The following ATXN10 variants were observed in gnomAD, a reference collection of about 807,000 sequenced individuals.
ATXN10 encodes ataxin-10.
In ATXN10, 28 loss-of-function variants were observed where a neutral mutation model predicts 52.9. The ratio of observed to expected loss-of-function variants is 0.53; its 90% CI spans 0.39 to 0.73. The LOEUF (loss-of-function observed/expected upper bound fraction) is 0.73. Ranked by LOEUF, ATXN10 falls within the 30% of genes least tolerant of loss-of-function variation. The pLI is 0.00. For synonymous variants in ATXN10, 226 were observed against 221.5 expected (o/e 1.02, Z -0.18); for missense variants, 565 against 577.0 (o/e 0.98, Z 0.21).
chr22:45,810,229 A>G (rs1275843483), intron 10 of ATXN10, among the ~76,000 whole-genome samples: 3 of 152,172 alleles, frequency 2.0e-5, no homozygotes, highest in African/African-American at 7.2e-5. Flanking sequence ...ACAAGTTTTG[A>G]GTCTGTTTGT....
intron 9 of ATXN10, among the ~76,000 whole-genome samples, chr22:45,785,579 T>C (rs1291233714): frequency 6.6e-6 from 1 of 152,274 alleles, no homozygotes; most frequent in African/African-American, 2.4e-5. Context: ...TACCGTTTAC[T>C]AGAATGACAC....
intron 5 of ATXN10, among the ~76,000 whole-genome samples, chr22:45,713,865 A>G (rs1924345396): frequency 6.6e-6 from 1 of 152,174 alleles, no homozygotes. Context: ...GTATGAATAT[A>G]CCAGGATTTA....
rs9626446 is a variant in ATXN10, at chr22:45,790,402, G to A, written c.1174-16557G>A. On this transcript the variant is annotated intron_variant, in intron 9 of 11. Coordinates refer to ENST00000252934, the MANE Select transcript of ATXN10 (RefSeq NM_013236.4). The surrounding 1 kb of genome is among the most constrained non-coding windows in gnomAD (Gnocchi z 4.7). ...CCCCCGCCGCCCCACACATACACCA[G>A]AGTTAGAAAACAAGCCAATTCCTGG... 1.2e-3 allele frequency among the ~76,000 whole-genome samples: 184 copies of A among 152,144 alleles called. No homozygotes were observed. Among genetic ancestry groups the A allele is most frequent in the African/African-American group, 4.2e-3 (174 of 41,510 alleles).
At chr22:45,760,739 G>T (rs568118941) in intron 9 of ATXN10, 338 of 153,132 alleles carry the variant, frequency 2.2e-3, no homozygotes, top group Admixed American at 3.5e-3. Flanking sequence ...GGCCAGAATG[G>T]TTCAGTAGTG....
chr22:45,803,877 C>T (rs901596689), intron 9 of ATXN10, among the ~76,000 whole-genome samples: 1 of 152,094 alleles, frequency 6.6e-6, no homozygotes, highest in African/African-American at 2.4e-5. Context: ...AAAACTCTCT[C>T]TGTGCTTCTC....
At chr22:45,752,829 G>A (rs1926031784) in intron 9 of ATXN10, among the ~76,000 whole-genome samples, 1 of 151,934 alleles carries the variant, frequency 6.6e-6, no homozygotes, top group African/African-American at 2.4e-5. Flanking sequence ...CGCCTCCCAG[G>A]TTCAAGTGAT....
Position 45,843,751 on chromosome 22 carries a change from T to A in ATXN10, c.*80T>A. 7.2e-7 allele frequency: 1 copy of A among 1,384,888 alleles called. No homozygotes were observed. The allele number at this position is 1,384,888 out of a possible 1,614,324, so 85.8% of individuals were successfully genotyped here. Reference sequence around the variant, plus strand: ...CTTCTACCGTATGTGAAATTGCAAGTGTTTGAAGATTTATAAGTACAAATT... The same window carrying A: ...CTTCTACCGTATGTGAAATTGCAAGAGTTTGAAGATTTATAAGTACAAATT... On this transcript the variant is annotated 3_prime_UTR_variant, in exon 12 of 12. Coordinates refer to ENST00000252934, the MANE Select transcript of ATXN10 (RefSeq NM_013236.4). This position sits in a 1 kb window ranked among gnomAD's most constrained non-coding sequence, Gnocchi z 4.5.
At chr22:45,747,533 G>A (rs571380719) in intron 9 of ATXN10, among the ~76,000 whole-genome samples, 1 of 152,260 alleles carries the variant, frequency 6.6e-6, no homozygotes, top group African/African-American at 2.4e-5. Flanking sequence ...TGTCTGAGCA[G>A]TGGGTTCTCC....
chr22:45,747,687 T>C (rs982305412), intron 9 of ATXN10, among the ~76,000 whole-genome samples: 1 of 152,198 alleles, frequency 6.6e-6, no homozygotes, highest in Non-Finnish European at 1.5e-5. Context: ...TGACCATCTA[T>C]TAACTGTTTA....
intron 10 of ATXN10, among the ~76,000 whole-genome samples, chr22:45,827,616 G>T (rs1453583861): frequency 6.6e-6 from 1 of 152,110 alleles, no homozygotes; most frequent in African/African-American, 2.4e-5. Flanking sequence ...ATAAACATTT[G>T]CACAGACCGA....
intron 3 of ATXN10, among the ~76,000 whole-genome samples, chr22:45,695,369 A>G (rs1923565798): frequency 6.6e-6 from 1 of 152,022 alleles, no homozygotes; most frequent in Non-Finnish European, 1.5e-5. Context: ...TCTTTACCTT[A>G]TAATTCAATG....
intron 7 of ATXN10, 197 bp downstream of exon 7, chr22:45,729,787 T>TCTGGATGG: frequency 1.5e-6 from 1 of 667,926 alleles, no homozygotes; most frequent in Non-Finnish European, 2.6e-6. Flanking sequence ...AGTCAATGAC[T>TCTGGATGG]TAGGCAAATT....
chr22:45,681,377 T>G lies in ATXN10; in HGVS notation c.117-8335T>G. Among the ~76,000 whole-genome samples, 1 of 152,252 alleles carries G rather than the reference T, an allele frequency of 6.6e-6. No individual in the cohort carries two copies. The highest frequency in any genetic ancestry group is 1.5e-5 in the Non-Finnish European group (1 of 68,006). On this transcript the variant is annotated intron_variant, in intron 1 of 11. Coordinates refer to ENST00000252934, the MANE Select transcript of ATXN10 (RefSeq NM_013236.4). The surrounding 1 kb of genome is among the most constrained non-coding windows in gnomAD (Gnocchi z 4.2). Reference sequence around the variant, plus strand: ...CTCGAGTCCCAATCCCTGTTTTATCTTCTCTTTAGGGCCCTTGCTTCATCA... The same window carrying G: ...CTCGAGTCCCAATCCCTGTTTTATCGTCTCTTTAGGGCCCTTGCTTCATCA...
intron 1 of ATXN10, chr22:45,680,137 G>GT (rs2146725952): frequency 6.6e-6 from 1 of 152,270 alleles, no homozygotes; most frequent in South Asian, 2.1e-4. Context: ...GCTTAGAGAA[G>GT]TTATTAGAGT....
At position 45,786,912 on chromosome 22, in the gene ATXN10, C is replaced by T. The variant is rs135996; in HGVS notation, c.1174-20047C>T. Among the ~76,000 whole-genome samples the T allele has an allele frequency of 0.73, 111,121 of 152,040 alleles. 41,671 individuals carry two copies. The highest frequency in any genetic ancestry group is 0.91 in the African/African-American group (37,594 of 41,508). On this transcript the variant is annotated intron_variant, in intron 9 of 11. Transcript: ENST00000252934. This position sits in a 1 kb window ranked among gnomAD's most constrained non-coding sequence, Gnocchi z 4.1. ...TTTGTTTTTGTCCAGTAATTCTTTTCGGAATTTCTCCAAAGGAAATAATCA... is the reference window on the plus strand; with the variant it reads ...TTTGTTTTTGTCCAGTAATTCTTTTTGGAATTTCTCCAAAGGAAATAATCA...
intron 9 of ATXN10, among the ~76,000 whole-genome samples, chr22:45,788,965 T>G (rs1927414105): frequency 6.6e-6 from 1 of 152,272 alleles, no homozygotes; most frequent in Admixed American, 6.5e-5. Context: ...TTTTAAACTA[T>G]GTATCTGTGC....
chr22:45,692,303 A>G (rs1161062512), intron 2 of ATXN10, among the ~76,000 whole-genome samples: 1 of 152,208 alleles, frequency 6.6e-6, no homozygotes, highest in African/African-American at 2.4e-5. Flanking sequence ...GGGCCAGCAA[A>G]GCAAGGGCTG....
intron 8 of ATXN10, 49 bp from the exon 9 acceptor site, chr22:45,740,320 C>G (rs1925459650): frequency 1.3e-6 from 2 of 1,596,356 alleles, no homozygotes; most frequent in Non-Finnish European, 1.7e-6. Context: ...GTACAACATA[C>G]TAAAAGTTAC....
At chr22:45,729,671 C>A in intron 7 of ATXN10, 81 bp downstream of exon 7, 1 of 1,474,890 alleles carries the variant, frequency 6.8e-7, no homozygotes, top group Non-Finnish European at 9.4e-7. Flanking sequence ...TATGAGAATT[C>A]TTTTTTAAAA....
Sources: allele counts gnomAD v4.1 joint callset (sites outside exome capture counted in the v4.1 genomes callset), GRCh38; gene constraint gnomAD v4.1.1; non-coding constraint Gnocchi (gnomAD v3.1); transcripts MANE v1.5; gene names NCBI Gene and HGNC (gene_info 2026-07-23, HGNC 2026-07-21).